KCNMA1: variants seen among roughly 807,000 people sequenced by gnomAD.
KCNMA1 encodes potassium calcium-activated channel subfamily M alpha 1.
In KCNMA1, 29 loss-of-function variants were observed where a neutral mutation model predicts 140.0. The ratio of observed to expected loss-of-function variants is 0.21; its 90% confidence interval spans 0.15 to 0.28. The LOEUF (loss-of-function observed/expected upper bound fraction) is 0.28, where lower values mean the gene tolerates loss of function less well. KCNMA1 is among the 10% of genes least tolerant of loss of function. KCNMA1 has a pLI of 1.00. For missense variants in KCNMA1, 880 were observed against 1,602.2 expected (o/e 0.55, Z 7.70); for synonymous variants, 612 against 611.9 (o/e 1.00, Z 0.00).
chr10:77,597,815 C>T (rs2081368177), intron 1 of KCNMA1, among the ~76,000 whole-genome samples: 1 of 152,172 alleles, frequency 6.6e-6, no homozygotes, highest in African/African-American at 2.4e-5. Context: ...TCCCAAGTTC[C>T]TTTTGGTCTC....
At chr10:76,939,196 A>C (rs12761271) in intron 23 of KCNMA1, 68,526 of 143,678 alleles carry the variant, frequency 0.48, 16,395 homozygotes, top group Middle Eastern at 0.56. Context: ...TTTTGGCTCA[A>C]TGCAAGCTCC....
chr10:77,594,569 A>G (rs1218725438), intron 1 of KCNMA1, among the ~76,000 whole-genome samples: 1 of 152,204 alleles, frequency 6.6e-6, no homozygotes, highest in African/African-American at 2.4e-5. Flanking sequence ...ACTGGGAGTT[A>G]GAAGCACTCA....
At chr10:77,517,666 G>A (rs703266) in intron 1 of KCNMA1, among the ~76,000 whole-genome samples, 15,839 of 152,032 alleles carry the variant, frequency 0.1, 1,114 homozygotes, top group African/African-American at 0.17. Flanking sequence ...CTCCCCCTCC[G>A]ACTCCTGCCC....
At chr10:77,240,223 T>C (rs970806641) in intron 3 of KCNMA1, among the ~76,000 whole-genome samples, 13 of 152,204 alleles carry the variant, frequency 8.5e-5, no homozygotes, top group Admixed American at 7.8e-4. Context: ...ACAGAGTGTA[T>C]GTTTATGAGC....
At chr10:77,539,504 G>A (rs2154554647) in intron 1 of KCNMA1, among the ~76,000 whole-genome samples, 1 of 152,264 alleles carries the variant, frequency 6.6e-6, no homozygotes, top group South Asian at 2.1e-4. Context: ...CCTCTTAAAT[G>A]GCAGATTTGG....
In KCNMA1 at chr10:77,025,242, G is replaced by GTATA. The variant is rs1183311699; in HGVS notation, c.1928+2577_1928+2580dup. Among the ~76,000 whole-genome samples the GTATA allele has an allele frequency of 3.0e-3, 130 of 42,676 alleles. 2 individuals are homozygous for GTATA. Among genetic ancestry groups the GTATA allele is most frequent in the South Asian group, 9.9e-3 (9 of 906 alleles). 28.0% of individuals were successfully genotyped at this position (42,676 alleles called of 152,430 possible). A position where few individuals can be genotyped will look rare whatever the true frequency, so the allele number is the denominator to read the frequency against. On this transcript the variant is annotated intron_variant, in intron 16 of 27. Transcript: ENST00000286628. Reference sequence around the variant, plus strand: ...ACTCTAGTTGGAGAGGGGTGTGTGTGTATATATATATATATATATATATAT... The same window carrying GTATA: ...ACTCTAGTTGGAGAGGGGTGTGTGTGTATATATATATATATATATATATATATAT...
At chr10:77,404,835 C>T (rs2096413719) in intron 1 of KCNMA1, among the ~76,000 whole-genome samples, 1 of 152,162 alleles carries the variant, frequency 6.6e-6, no homozygotes, top group African/African-American at 2.4e-5. Flanking sequence ...TTAATAATCA[C>T]ATGATCCATG....
chr10:77,230,626 T>C lies in KCNMA1; in HGVS notation c.602+20569A>G, dbSNP rs531634982. The stretch of plus-strand genomic sequence containing the variant: ...GGGTTAGAAGTCAACCCTCTGTCAA[T>C]TAATTTATCAGAGCTTGCACCCAGG... On this transcript the variant is annotated intron_variant, in intron 3 of 27. Coordinates refer to ENST00000286628, the MANE Select transcript of KCNMA1 (RefSeq NM_001161352.2). 2.6e-5 allele frequency among the ~76,000 whole-genome samples: 4 copies of C among 152,262 alleles called. No homozygotes were observed. In the South Asian group the frequency reaches 8.3e-4, roughly 32 times the overall value.
At chr10:77,539,248 C>G (rs920615850) in intron 1 of KCNMA1, among the ~76,000 whole-genome samples, 1 of 152,218 alleles carries the variant, frequency 6.6e-6, no homozygotes, top group African/African-American at 2.4e-5. Flanking sequence ...ATGATAGGTA[C>G]TAACGTTCTG....
At chr10:77,604,695 C>CA (rs1312156276) in intron 1 of KCNMA1, among the ~76,000 whole-genome samples, 6 of 151,784 alleles carry the variant, frequency 4.0e-5, no homozygotes, top group Admixed American at 2.6e-4. Flanking sequence ...CCCCGCCCCC[C>CA]AAAAAAAAGA....
At chr10:77,244,553 G>A (rs1000190347) in intron 3 of KCNMA1, among the ~76,000 whole-genome samples, 5 of 152,210 alleles carry the variant, frequency 3.3e-5, no homozygotes, top group African/African-American at 4.8e-5. Flanking sequence ...GAACTTTGAC[G>A]TAAATGAAAC....
Position 77,534,746 on chromosome 10 carries a change from TAAAAG to T in KCNMA1, c.378+102514_378+102518del, listed in dbSNP as rs373464562. Reference sequence around the variant, plus strand: ...AATTTACTCTACATTTCAAAATAGCTAAAAGAAAATATTTGAGATGTTCCCAAAAC... The same window carrying T: ...AATTTACTCTACATTTCAAAATAGCTAAAATATTTGAGATGTTCCCAAAAC... On this transcript the variant is annotated intron_variant, in intron 1 of 27. Transcript: ENST00000286628. Among the ~76,000 whole-genome samples, 521 of 152,258 alleles carry T rather than the reference TAAAAG, an allele frequency of 3.4e-3. 6 individuals are homozygous for T. Among genetic ancestry groups the T allele is most frequent in the African/African-American group, 0.012 (507 of 41,528 alleles).
rs199625127 is a variant in KCNMA1, at chr10:77,572,148, TG to T, written c.378+65116del. ...ATTTCTCTCTGTCTCCGTATCTTTCTGGGTCATTCTTCGTCACAGGATGTCA... is the reference window on the plus strand; with the variant it reads ...ATTTCTCTCTGTCTCCGTATCTTTCTGGTCATTCTTCGTCACAGGATGTCA... On this transcript the variant is annotated intron_variant, in intron 1 of 27. Transcript: ENST00000286628. Among the ~76,000 whole-genome samples, 44 of 152,324 alleles carry T rather than the reference TG, an allele frequency of 2.9e-4. 1 individual carries two copies. The East Asian group carries it at 7.6e-3, about 26-fold the overall frequency.
intron 1 of KCNMA1, among the ~76,000 whole-genome samples, chr10:77,508,581 C>CTTTTTTTTTTTTTTTTTTTTTTTT (rs761735012): frequency 3.0e-4 from 30 of 99,868 alleles, no homozygotes; most frequent in African/African-American, 6.0e-4. Context: ...TTTTTCTTTT[C>CTTTTTTTTTTTTTTTTTTTTTTTT]TTTTTTTTTT....
chr10:76,895,975 A>G (rs2042328873), intron 25 of KCNMA1, among the ~76,000 whole-genome samples: 1 of 152,226 alleles, frequency 6.6e-6, no homozygotes, highest in Admixed American at 6.5e-5. Context: ...TCACAAGGTC[A>G]GGGCAAAACT....
At chr10:76,897,059 C>T (rs552181199) in intron 25 of KCNMA1, among the ~76,000 whole-genome samples, 139 of 144,412 alleles carry the variant, frequency 9.6e-4, no homozygotes, top group Non-Finnish European at 1.5e-3. Flanking sequence ...ATTAGTGATA[C>T]GGAAGTAAAA....
At chr10:77,322,167 C>G (rs1469193555) in intron 2 of KCNMA1, among the ~76,000 whole-genome samples, 1 of 152,124 alleles carries the variant, frequency 6.6e-6, no homozygotes, top group East Asian at 1.9e-4. Context: ...CATGGAGAAG[C>G]AGGTAGAGGC....
intron 14 of KCNMA1, among the ~76,000 whole-genome samples, chr10:77,045,232 G>A (rs2094972292): frequency 6.6e-6 from 1 of 152,178 alleles, no homozygotes; most frequent in Admixed American, 6.5e-5. Flanking sequence ...ATGAAGGAAT[G>A]GGACCAAAAT....
At chr10:77,015,686 G>C (rs750346286) in intron 17 of KCNMA1, among the ~76,000 whole-genome samples, 1 of 152,100 alleles carries the variant, frequency 6.6e-6, no homozygotes, top group East Asian at 1.9e-4. Flanking sequence ...CCCAAAACTT[G>C]CTCCTTCTCT....
Sources: allele counts gnomAD v4.1 joint callset (sites outside exome capture counted in the v4.1 genomes callset), GRCh38; gene constraint gnomAD v4.1.1; transcripts MANE v1.5; gene names NCBI Gene and HGNC (gene_info 2026-07-23, HGNC 2026-07-21).